NFXL1: variants seen among roughly 807,000 people sequenced by gnomAD.
NFXL1 encodes the protein nuclear transcription factor, X-box binding like 1.
In NFXL1, 66 loss-of-function variants were observed where a neutral mutation model predicts 123.3. The observed-to-expected ratio is 0.54, with a 90% CI of 0.44 to 0.66. NFXL1 has a LOEUF of 0.66. Ranked by LOEUF, NFXL1 falls within the 30% of genes least tolerant of loss-of-function variation. NFXL1 has a pLI of 0.00. For synonymous variants in NFXL1, 346 were observed against 360.8 expected, an observed-to-expected ratio of 0.96 and a Z score of 0.46; for missense variants, 944 against 1,125.6, an observed-to-expected ratio of 0.84 and a Z score of 2.31.
At chr4:47,900,507 G>A (rs576191342) in intron 5 of NFXL1, among the ~76,000 whole-genome samples, 128 of 152,132 alleles carry the variant, frequency 8.4e-4, no homozygotes, top group African/African-American at 3.0e-3. Context: ...ACTGTGCCCA[G>A]CCCAAAAAAA....
chr4:47,849,849 T>C (rs1285859064), intron 22 of NFXL1, among the ~76,000 whole-genome samples: 1 of 152,114 alleles, frequency 6.6e-6, no homozygotes, highest in African/African-American at 2.4e-5. Context: ...CACAAACATC[T>C]TCTTGTATAC....
At chr4:47,851,026 T>A in intron 22 of NFXL1, 69 bp downstream of exon 22, 1 of 1,141,108 alleles carries the variant, frequency 8.8e-7, no homozygotes, top group Non-Finnish European at 1.3e-6. Context: ...CCTTGGAATA[T>A]ACCCCGTGTT....
intron 2 of NFXL1, among the ~76,000 whole-genome samples, chr4:47,912,551 C>G (rs1459218269): frequency 6.7e-6 from 1 of 149,638 alleles, no homozygotes. Context: ...CTCCGCCTCC[C>G]GGGCTCACGC....
rs1454654448 is a variant in NFXL1, at chr4:47,847,305, G to A, written c.*858C>T. On this transcript the variant is annotated 3_prime_UTR_variant, in exon 23 of 23. Transcript: ENST00000507489. ...ATTAAATAGCAAAACTATTTGAAAGGAATTATAATTCAAACAGATTTGACT... is the reference window on the plus strand; with the variant it reads ...ATTAAATAGCAAAACTATTTGAAAGAAATTATAATTCAAACAGATTTGACT... 6.6e-6 allele frequency: 1 copy of A among 151,932 alleles called. No homozygotes were observed. Among genetic ancestry groups the A allele is most frequent in the Non-Finnish European group, 1.5e-5 (1 of 67,972 alleles). The allele number at this position is 151,932 out of a possible 1,614,324, so 9.4% of individuals were successfully genotyped here.
At position 47,905,238 on chromosome 4, in the gene NFXL1, G is replaced by C. The variant is rs1381986317; in HGVS notation, c.515C>G (p.Ala172Gly). 1 of 1,422,844 alleles carries C rather than the reference G, an allele frequency of 7.0e-7. No homozygotes were observed. Among genetic ancestry groups the C allele is most frequent in the Admixed American group, 1.7e-5 (1 of 57,432 alleles). 88.1% of individuals were successfully genotyped at this position (1,422,844 alleles called of 1,614,324 possible). ...ATATAAATAAGGAGAAAAACTTACT[G>C]CTTGGTTTCTCTTCACCGAAGCAAT... ...ICIASVKRNQ[A>G]VWSCSGCFCI... The change falls in exon 4 of 23, where the codon GCA becomes GGA. Residue 172 changes from alanine (A) to glycine (G), a missense_variant and splice_region_variant. Transcript: ENST00000507489.
intron 6 of NFXL1, 63 bp from the exon 7 acceptor site, chr4:47,899,183 T>G: frequency 7.0e-7 from 1 of 1,438,714 alleles, no homozygotes; most frequent in South Asian, 1.4e-5. Context: ...AACTAAAACT[T>G]TCAATTTCTA....
At chr4:47,885,771 GAATATT>G (rs1417955688) in intron 13 of NFXL1, 102 bp downstream of exon 13, 2 of 1,361,592 alleles carry the variant, frequency 1.5e-6, no homozygotes, top group African/African-American at 2.9e-5. Context: ...AGTATACTGT[GAATATT>G]AATATTTTAA....
chr4:47,898,186 T>A, intron 8 of NFXL1, 105 bp from the exon 9 acceptor site: 1 of 641,584 alleles, frequency 1.6e-6, no homozygotes, highest in Non-Finnish European at 2.7e-6. Context: ...ACAACTGCTT[T>A]ACGTCCCTCA....
Position 47,914,116 on chromosome 4 carries a change from G to A in NFXL1, c.88C>T (p.Leu30Phe). 6.4e-7 allele frequency: 1 copy of A among 1,553,800 alleles called. No individual in the cohort carries two copies. Among genetic ancestry groups the A allele is most frequent in the South Asian group, 1.2e-5 (1 of 84,366 alleles). Residue 30 changes from leucine to phenylalanine, a missense_variant, in exon 2 of 23, where the codon CTC becomes TTC. By Grantham distance (22) the Leu-to-Phe change is conservative. This residue lies in a region of NFXL1 where 303 missense variants were observed against 292.1 expected (regional missense o/e 1.04). Transcript: ENST00000507489. Reference sequence around the variant, plus strand: ...TCTCGCCCTCCTCCGGCGCCGCGGAGATGGACTCCATTTCCTGAGGGGGCG... The same window carrying A: ...TCTCGCCCTCCTCCGGCGCCGCGGAAATGGACTCCATTTCCTGAGGGGGCG... The part of the protein sequence containing the change: ...TAAPSGNGVH[L>F]RGAGGGREKG...
At chr4:47,913,367 T>C (rs941921772) in intron 2 of NFXL1, among the ~76,000 whole-genome samples, 1 of 152,040 alleles carries the variant, frequency 6.6e-6, no homozygotes, top group Admixed American at 6.6e-5. Context: ...AATTTGTAAA[T>C]AGGAACTACA....
intron 15 of NFXL1, among the ~76,000 whole-genome samples, chr4:47,879,468 T>C (rs528799957): frequency 3.3e-5 from 5 of 152,196 alleles, no homozygotes; most frequent in Non-Finnish European, 5.9e-5. Context: ...TTCACAGTTA[T>C]GAAGGCTCAA....
intron 18 of NFXL1, among the ~76,000 whole-genome samples, chr4:47,869,689 A>T (rs193046426): frequency 1.8e-3 from 270 of 152,294 alleles, no homozygotes; most frequent in African/African-American, 6.3e-3. Flanking sequence ...AATTCTTCTT[A>T]AAGAAATTTA....
intron 5 of NFXL1, among the ~76,000 whole-genome samples, chr4:47,900,084 G>C (rs73145943): frequency 1.3e-5 from 2 of 152,150 alleles, no homozygotes; most frequent in African/African-American, 4.8e-5. Context: ...AAACAGAAGA[G>C]AGAAGTCAGG....
At chr4:47,890,116 C>T (rs1736680307) in intron 12 of NFXL1, among the ~76,000 whole-genome samples, 1 of 151,776 alleles carries the variant, frequency 6.6e-6, no homozygotes, top group Admixed American at 6.6e-5. Context: ...ATAAAACTCA[C>T]ATTAACAAAA....
At chr4:47,875,888 G>A (rs1008774687) in intron 17 of NFXL1, among the ~76,000 whole-genome samples, 1 of 151,988 alleles carries the variant, frequency 6.6e-6, no homozygotes, top group Non-Finnish European at 1.5e-5. Flanking sequence ...ACTTAACAAG[G>A]CACCTCCCTT....
rs939850289 is a variant in NFXL1 at position 47,884,246 on chromosome 4, T to C, written c.1916+100A>G. The C allele has an allele frequency of 3.6e-5, 23 of 644,312 alleles. No individual in the cohort carries two copies. In the African/African-American group the frequency reaches 3.9e-4, roughly 11 times the overall value. 39.9% of individuals were successfully genotyped at this position (644,312 alleles called of 1,614,324 possible). A position where few individuals can be genotyped will look rare whatever the true frequency, so the allele number is the denominator to read the frequency against. On this transcript the variant is annotated intron_variant, in intron 15 of 22. Transcript: ENST00000507489. ...TGATAGGCTAGGCCTGAAATAATAA[T>C]GAACTGAACTAAGAAAAAAGGGAGA...
intron 15 of NFXL1, among the ~76,000 whole-genome samples, chr4:47,881,867 G>A (rs1473382006): frequency 2.0e-5 from 3 of 152,290 alleles, no homozygotes; most frequent in Non-Finnish European, 2.9e-5. Flanking sequence ...TGGTTGCTAG[G>A]AGTTTGAGAC....
chr4:47,867,008 T>C (rs1307725919), intron 18 of NFXL1, among the ~76,000 whole-genome samples: 2 of 152,220 alleles, frequency 1.3e-5, no homozygotes, highest in Non-Finnish European at 2.9e-5. Flanking sequence ...TGTGACTGGT[T>C]TGCCCTACAC....
chr4:47,883,780 T>C (rs562126763), intron 15 of NFXL1, among the ~76,000 whole-genome samples: 37 of 152,354 alleles, frequency 2.4e-4, no homozygotes, highest in Admixed American at 1.8e-3. Flanking sequence ...TTTCTAACTT[T>C]ATGTTGCTTC....
Sources: gnomAD v4.1 joint callset for allele counts (sites outside exome capture counted in the v4.1 genomes callset) on GRCh38, gnomAD v4.1.1 for gene constraint, gnomAD v4.1.1 regional missense constraint, MANE v1.5 for transcripts, NCBI Gene and HGNC (gene_info 2026-07-23, HGNC 2026-07-21) for gene names.